EVC: variants seen among roughly 807,000 people sequenced by gnomAD.
EVC encodes evC complex member EVC.
Under a neutral mutation model 118.9 loss-of-function variants are expected in EVC, and 116 were observed. The observed-to-expected ratio is 0.98, with a 90% CI of 0.84 to 1.14. EVC has a LOEUF of 1.14. Ranked by LOEUF, EVC falls within the 50% of genes most tolerant of loss-of-function variation. The pLI, the probability that EVC is intolerant of heterozygous loss-of-function variation, is 0.00. For synonymous variants in EVC, 619 were observed against 534.7 expected (o/e 1.16, Z -2.18); for missense variants, 1,401 against 1,246.4 (o/e 1.12, Z -1.87).
At chr4:5,785,020 C>T (rs1323128538) in intron 12 of EVC, among the ~76,000 whole-genome samples, 1 of 152,200 alleles carries the variant, frequency 6.6e-6, no homozygotes, top group Non-Finnish European at 1.5e-5. Flanking sequence ...CTTCGGCCCT[C>T]TAGAGGCTGT....
At chr4:5,804,646 C>A (rs1312033233) in intron 16 of EVC, 84 bp from the exon 17 acceptor site, 22 of 1,160,054 alleles carry the variant, frequency 1.9e-5, no homozygotes, top group Non-Finnish European at 2.7e-5. Context: ...GTCTCACTCA[C>A]CCTGCACCCC....
At chr4:5,802,240 G>A in intron 16 of EVC, 146 bp downstream of exon 16, 2 of 1,202,370 alleles carry the variant, frequency 1.7e-6, no homozygotes, top group Non-Finnish European at 2.4e-6. Flanking sequence ...CCCGTGCTTT[G>A]TCTCAAAAAG....
chr4:5,810,905 G>A (rs745538710), intron 20 of EVC, 48 bp from the exon 21 acceptor site: 2 of 1,516,844 alleles, frequency 1.3e-6, no homozygotes, highest in South Asian at 2.3e-5. Context: ...CATCATGATG[G>A]GCATGGAGTC....
intron 7 of EVC, among the ~76,000 whole-genome samples, chr4:5,747,878 C>G (rs573586212): frequency 6.6e-6 from 1 of 152,168 alleles, no homozygotes; most frequent in South Asian, 2.1e-4. Flanking sequence ...GTAGGCTGGA[C>G]AAGCTACTGC....
chr4:5,733,181 T>C (rs891886049), intron 4 of EVC, among the ~76,000 whole-genome samples, 170 bp from the exon 5 acceptor site: 1 of 152,146 alleles, frequency 6.6e-6, no homozygotes, highest in Non-Finnish European at 1.5e-5. Flanking sequence ...AACAGCTCAT[T>C]TGATCCCTTC....
In EVC at chr4:5,813,670, T is replaced by A. The variant is rs527944872; in HGVS notation, c.*2633T>A. 5.4e-4 allele frequency: 82 copies of A among 152,298 alleles called. No individual in the cohort carries two copies. Among genetic ancestry groups the A allele is most frequent in the African/African-American group, 1.9e-3 (78 of 41,580 alleles). 9.4% of individuals were successfully genotyped at this position (152,298 alleles called of 1,614,324 possible). On this transcript the variant is annotated 3_prime_UTR_variant, in exon 21 of 21. Transcript: ENST00000264956. ...CAGAGCTCTGAAAGCATCTGTGGAA[T>A]GATCACGGGACCCTTCTCCTCTGAG...
At chr4:5,770,158 A>C (rs894607945) in intron 11 of EVC, among the ~76,000 whole-genome samples, 3 of 152,114 alleles carry the variant, frequency 2.0e-5, no homozygotes, top group Non-Finnish European at 4.4e-5. Context: ...GACAAGGCAC[A>C]CAGAGTGTCA....
chr4:5,781,738 G>C (rs1735630257), intron 11 of EVC, among the ~76,000 whole-genome samples: 1 of 152,124 alleles, frequency 6.6e-6, no homozygotes, highest in Non-Finnish European at 1.5e-5. Flanking sequence ...TATTTGGGAG[G>C]CTGAGGTGAG....
At chr4:5,724,700 ATT>A (rs36029145) in intron 2 of EVC, among the ~76,000 whole-genome samples, 118 of 144,694 alleles carry the variant, frequency 8.2e-4, no homozygotes, top group Middle Eastern at 3.6e-3. Flanking sequence ...TTTCCCTGTT[ATT>A]TTTTTTTTTT....
At position 5,742,766 on chromosome 4, in the gene EVC, C is replaced by T. The variant is rs1041187454; in HGVS notation, c.801+952C>T. On this transcript the variant is annotated intron_variant, in intron 6 of 20. Transcript: ENST00000264956. The surrounding 1 kb of genome is among the most constrained non-coding windows in gnomAD (Gnocchi z 5.2). ...ATCATCACCATCCTTATTGCCATCA[C>T]CACCACCAATGTTGCAGGGCAGGCA... is the stretch of plus-strand genomic sequence containing the variant. 2.0e-5 allele frequency among the ~76,000 whole-genome samples: 3 copies of T among 152,176 alleles called. No individual in the cohort carries two copies. The highest frequency in any genetic ancestry group is 7.2e-5 in the African/African-American group (3 of 41,440).
chr4:5,821,927 T>G, the EVC span: 1 of 1,161,776 alleles, frequency 8.6e-7, no homozygotes, highest in Non-Finnish European at 1.2e-6. The surrounding 1 kb of genome is among the most constrained non-coding windows in gnomAD (Gnocchi z 4.4). Context: ...GGCCATGTAC[T>G]CTGCCATGCA....
At position 5,804,830 on chromosome 4, in the gene EVC, G is replaced by A. The variant is rs754053651; in HGVS notation, c.2550G>A (p.Ala850=). Residue 850 remains alanine (A), a synonymous_variant, in exon 17 of 21, where the codon GCG becomes GCA. Transcript: ENST00000264956. ...TAGGAHETSQ[A]VHQRMLSQQK... ...GTGGCGCTCATGAGACCTCCCAGGC[G>A]GTCCACCAGAGGTGAGGTCCCAACT... The A allele has an allele frequency of 5.9e-5, 96 of 1,613,818 alleles. No homozygotes were observed. Among genetic ancestry groups the A allele is most frequent in the Middle Eastern group, 1.7e-4 (1 of 6,044 alleles).
rs1194474701 is a variant in EVC at position 5,812,787 on chromosome 4, C to G, written c.*1750C>G. The stretch of plus-strand genomic sequence containing the variant: ...TCCCTGGTCTCTGCCCACCAGATGC[C>G]AGCACTCCCACCATTCGTGGCAACC... On this transcript the variant is annotated 3_prime_UTR_variant, in exon 21 of 21. Coordinates refer to ENST00000264956, the MANE Select transcript of EVC (RefSeq NM_153717.3). The G allele has an allele frequency of 2.6e-5, 4 of 153,044 alleles. No individual in the cohort carries two copies. The highest frequency in any genetic ancestry group is 9.6e-5 in the African/African-American group (4 of 41,468). 9.5% of individuals were successfully genotyped at this position (153,044 alleles called of 1,614,324 possible). A position where few individuals can be genotyped will look rare whatever the true frequency, so the allele number is the denominator to read the frequency against.
At chr4:5,790,063 CCCAGCTA>C (rs1712468140) in intron 12 of EVC, among the ~76,000 whole-genome samples, 1 of 151,572 alleles carries the variant, frequency 6.6e-6, no homozygotes, top group South Asian at 2.1e-4. Context: ...CACCAGTAAT[CCCAGCTA>C]CTTGGGAGAC....
At chr4:5,795,972 A>G (rs1219577165) in intron 13 of EVC, among the ~76,000 whole-genome samples, 1 of 151,138 alleles carries the variant, frequency 6.6e-6, no homozygotes, top group Non-Finnish European at 1.5e-5. Context: ...TTTATCCCAT[A>G]TGTCTCTTAC....
In EVC at chr4:5,754,136, G is replaced by C. The variant is rs575269250; in HGVS notation, c.1464+203G>C. On this transcript the variant is annotated intron_variant, in intron 10 of 20. Transcript: ENST00000264956. The surrounding 1 kb of genome is among the most constrained non-coding windows in gnomAD (Gnocchi z 5.8). The stretch of plus-strand genomic sequence containing the variant: ...GGACTGTAAGCTGGTGATAAGAGTT[G>C]TGCTGCCCTCACTGGGCTGCTGAGA... Among the ~76,000 whole-genome samples the C allele has an allele frequency of 3.3e-5, 5 of 152,308 alleles. No individual in the cohort carries two copies. The highest frequency in any genetic ancestry group is 3.3e-4 in the Admixed American group (5 of 15,304).
chr4:5,730,773 A>G (rs1726676096), intron 3 of EVC, among the ~76,000 whole-genome samples: 1 of 152,064 alleles, frequency 6.6e-6, no homozygotes, highest in African/African-American at 2.4e-5. Flanking sequence ...CAAAGTCTGG[A>G]AAGGCCAGAA....
In EVC at chr4:5,795,185, A is replaced by G. The variant is rs373011673; in HGVS notation, c.1886+1468A>G. 2.0e-5 allele frequency among the ~76,000 whole-genome samples: 3 copies of G among 152,344 alleles called. No individual in the cohort carries two copies. The East Asian group carries it at 5.8e-4, about 29-fold the overall frequency. Reference sequence around the variant, plus strand: ...CTTTGCTATCATGAATAGCACTGCAATGAACATATAAGTACATGTGTCTTT... The same window carrying G: ...CTTTGCTATCATGAATAGCACTGCAGTGAACATATAAGTACATGTGTCTTT... On this transcript the variant is annotated intron_variant, in intron 13 of 20. Transcript: ENST00000264956.
At chr4:5,810,734 C>T (rs1158427085) in intron 20 of EVC, among the ~76,000 whole-genome samples, 1 of 152,168 alleles carries the variant, frequency 6.6e-6, no homozygotes, top group African/African-American at 2.4e-5. Context: ...TTGGGCAGTC[C>T]CTTCTTTGAC....
Sources: allele counts gnomAD v4.1 joint callset (sites outside exome capture counted in the v4.1 genomes callset), GRCh38; gene constraint gnomAD v4.1.1; non-coding constraint Gnocchi (gnomAD v3.1); transcripts MANE v1.5; gene names NCBI Gene and HGNC (gene_info 2026-07-23, HGNC 2026-07-21).